TMEM207: variants seen among roughly 807,000 people sequenced by gnomAD.
TMEM207 encodes SRSR846.
In TMEM207, 15 loss-of-function variants were observed where a neutral mutation model predicts 17.4. The ratio of observed to expected loss-of-function variants is 0.86; its 90% CI spans 0.58 to 1.33. TMEM207 has a LOEUF of 1.33. Among genes scored for constraint, TMEM207 ranks in the 40% most tolerant of loss-of-function variants. The pLI is 0.00. For synonymous variants in TMEM207, 70 were observed against 65.6 expected (o/e 1.07, Z -0.33); for missense variants, 205 against 173.8 (o/e 1.18, Z -1.01).
chr3:190,440,747 C>T (rs562914401), intron 3 of TMEM207, among the ~76,000 whole-genome samples: 1 of 152,284 alleles, frequency 6.6e-6, no homozygotes, highest in African/African-American at 2.4e-5. Context: ...ACTACACACA[C>T]TTTAGATATT....
At chr3:190,430,693 A>G (rs368460573) in intron 4 of TMEM207, among the ~76,000 whole-genome samples, 1 of 152,056 alleles carries the variant, frequency 6.6e-6, no homozygotes, top group Non-Finnish European at 1.5e-5. Flanking sequence ...GATTTTGTGT[A>G]TTGAATTTAT....
At chr3:190,438,459 T>C (rs1468485648) in intron 4 of TMEM207, among the ~76,000 whole-genome samples, 1 of 152,138 alleles carries the variant, frequency 6.6e-6, no homozygotes, top group East Asian at 1.9e-4. Flanking sequence ...AGAGCACATA[T>C]GGAATCTGCC....
rs1401942280 is a variant in TMEM207 at position 190,429,118 on chromosome 3, T to C, written c.*477A>G. The C allele has an allele frequency of 6.5e-6, 1 of 152,828 alleles. No individual in the cohort carries two copies. The highest frequency in any genetic ancestry group is 1.9e-4 in the East Asian group (1 of 5,198). The allele number at this position is 152,828 out of a possible 1,614,324, so 9.5% of individuals were successfully genotyped here. A position where few individuals can be genotyped will look rare whatever the true frequency, so the allele number is the denominator to read the frequency against. Reference sequence around the variant, plus strand: ...TTCAACTCCAAACTTTTCTTTTTCCTACTCTCTCCCCTCACCTTCATTCAA... The same window carrying C: ...TTCAACTCCAAACTTTTCTTTTTCCCACTCTCTCCCCTCACCTTCATTCAA... On this transcript the variant is annotated 3_prime_UTR_variant, in exon 5 of 5. Transcript: ENST00000354905.
At chr3:190,447,210 C>A (rs1720070724) in intron 2 of TMEM207, among the ~76,000 whole-genome samples, 2 of 152,088 alleles carry the variant, frequency 1.3e-5, no homozygotes, top group South Asian at 4.1e-4. Context: ...TACTAAATCA[C>A]AATGAATTAC....
At position 190,439,873 on chromosome 3, in the gene TMEM207, T is replaced by C. The variant is rs578047539; in HGVS notation, c.304+371A>G. Among the ~76,000 whole-genome samples the C allele has an allele frequency of 2.0e-5, 3 of 152,272 alleles. No individual in the cohort carries two copies. The South Asian group carries it at 6.2e-4, about 32-fold the overall frequency. ...AGCATAGAAAGCTCAGTAAATGAATTTATAAATACAAGTTAAGACAGGTTG... is the reference window on the plus strand; with the variant it reads ...AGCATAGAAAGCTCAGTAAATGAATCTATAAATACAAGTTAAGACAGGTTG... On this transcript the variant is annotated intron_variant, in intron 4 of 4. Coordinates refer to ENST00000354905, the MANE Select transcript of TMEM207 (RefSeq NM_207316.3).
At position 190,440,791 on chromosome 3, in the gene TMEM207, G is replaced by A. The variant is rs1185792034; in HGVS notation, c.159-402C>T. ...GAATTCAAAAGTAGGCAGAGGGGCC[G>A]GGCGCGGTGGCTCAAGCCTGTAATC... On this transcript the variant is annotated intron_variant, in intron 3 of 4. Transcript: ENST00000354905. Among the ~76,000 whole-genome samples, 85 of 152,180 alleles carry A rather than the reference G, an allele frequency of 5.6e-4. 1 individual carries two copies. The highest frequency in any genetic ancestry group is 7.3e-5 in the Non-Finnish European group (5 of 68,036).
chr3:190,437,734 C>T (rs1719833580), intron 4 of TMEM207, among the ~76,000 whole-genome samples: 1 of 152,132 alleles, frequency 6.6e-6, no homozygotes, highest in Non-Finnish European at 1.5e-5. Context: ...TTGACCCAGC[C>T]ATCTCATTAC....
rs112823637 is a variant in TMEM207, at chr3:190,434,499, C to A, written c.305-4768G>T. Reference sequence around the variant, plus strand: ...ACCGTGATAGTGAGGCTTCCCCAGCCACATGGAACTGTAAGTCCAATTAAA... The same window carrying A: ...ACCGTGATAGTGAGGCTTCCCCAGCAACATGGAACTGTAAGTCCAATTAAA... On this transcript the variant is annotated intron_variant, in intron 4 of 4. Coordinates refer to ENST00000354905, the MANE Select transcript of TMEM207 (RefSeq NM_207316.3). 4.6e-5 allele frequency among the ~76,000 whole-genome samples: 7 copies of A among 152,274 alleles called. No individual in the cohort carries two copies. In the East Asian group the frequency reaches 1.3e-3, roughly 29 times the overall value.
At chr3:190,441,947 CTTGTTATACAA>C (rs1190347797) in intron 2 of TMEM207, among the ~76,000 whole-genome samples, 2 of 152,156 alleles carry the variant, frequency 1.3e-5, no homozygotes, top group Non-Finnish European at 2.9e-5. Context: ...TGTTTGCCCT[CTTGTTATACAA>C]TTGGTGAGGA....
chr3:190,433,532 G>T (rs978461086), intron 4 of TMEM207, among the ~76,000 whole-genome samples: 10 of 152,086 alleles, frequency 6.6e-5, no homozygotes, highest in Admixed American at 3.3e-4. Flanking sequence ...GCTGAGCGAT[G>T]ACCACAAACA....
chr3:190,447,051 C>T (rs78113860), intron 2 of TMEM207, among the ~76,000 whole-genome samples: 23 of 152,030 alleles, frequency 1.5e-4, no homozygotes, highest in Non-Finnish European at 3.2e-4. Context: ...GGTGAATGGT[C>T]CCAATTTCTG....
chr3:190,440,606 T>C (rs1169683699), intron 3 of TMEM207, among the ~76,000 whole-genome samples: 3 of 152,230 alleles, frequency 2.0e-5, no homozygotes, highest in Admixed American at 6.5e-5. Flanking sequence ...TTCCAGGTGG[T>C]AATAATCATT....
At chr3:190,439,446 T>C (rs1295662202) in intron 4 of TMEM207, among the ~76,000 whole-genome samples, 1 of 152,180 alleles carries the variant, frequency 6.6e-6, no homozygotes, top group Non-Finnish European at 1.5e-5. Flanking sequence ...ATTATCTCTG[T>C]TAAGCGCTCC....
At position 190,449,847 on chromosome 3, in the gene TMEM207, C is replaced by A. The variant is rs746435403; in HGVS notation, c.-38G>T. The A allele has an allele frequency of 6.3e-7, 1 of 1,579,552 alleles. No homozygotes were observed. The highest frequency in any genetic ancestry group is 1.7e-5 in the Admixed American group (1 of 59,866). ...GTCAACTTAGGATAGTGGTTTGGTG[C>A]CTGTGTTTATTTCCTTCTTTCTCAG... is the stretch of plus-strand genomic sequence containing the variant. On this transcript the variant is annotated 5_prime_UTR_variant, in exon 1 of 5. Transcript: ENST00000354905.
rs1343148968 is a variant in TMEM207, at chr3:190,429,034, C to T, written c.*561G>A. 1 of 129,328 alleles carries T rather than the reference C, an allele frequency of 7.7e-6. No homozygotes were observed. The highest frequency in any genetic ancestry group is 3.9e-5 in the African/African-American group (1 of 25,472). 8.0% of individuals were successfully genotyped at this position (129,328 alleles called of 1,614,324 possible). ...TCCTCTTCAGGTTGGGGCATAAAAC[C>T]TCTTGTTTTTGCTGAGACTTGTAAT... On this transcript the variant is annotated 3_prime_UTR_variant, in exon 5 of 5. Transcript: ENST00000354905.
intron 2 of TMEM207, among the ~76,000 whole-genome samples, chr3:190,442,073 T>C (rs1719948643): frequency 3.3e-5 from 5 of 152,230 alleles, no homozygotes; most frequent in Admixed American, 3.3e-4. Context: ...CTCCTGTGTG[T>C]GTCTAGCCAC....
intron 2 of TMEM207, among the ~76,000 whole-genome samples, chr3:190,442,548 C>A (rs1187621410): frequency 2.6e-5 from 4 of 152,100 alleles, no homozygotes; most frequent in Non-Finnish European, 4.4e-5. Flanking sequence ...AATCACCCAG[C>A]CTACAGATGA....
intron 4 of TMEM207, among the ~76,000 whole-genome samples, chr3:190,433,076 T>C (rs2108531915): frequency 6.6e-6 from 1 of 152,310 alleles, no homozygotes; most frequent in South Asian, 2.1e-4. Context: ...TGTAATTGAT[T>C]ATGTTTTATT....
At chr3:190,439,256 G>GA (rs751806168) in intron 4 of TMEM207, among the ~76,000 whole-genome samples, 2,926 of 140,150 alleles carry the variant, frequency 0.021, 48 homozygotes, top group Middle Eastern at 0.034. Flanking sequence ...ACCTTTGAAG[G>GA]AAAAAAAAAA....
Sources: gnomAD v4.1 joint callset for allele counts (sites outside exome capture counted in the v4.1 genomes callset) on GRCh38, gnomAD v4.1.1 for gene constraint, MANE v1.5 for transcripts, NCBI Gene and HGNC (gene_info 2026-07-23, HGNC 2026-07-21) for gene names.